Variants in CRPPA observed in about 807,000 individuals in gnomAD.
CRPPA encodes the protein D-ribitol-5-phosphate cytidylyltransferase.
A neutral mutation model predicts 52.0 loss-of-function variants in CRPPA; 43 were observed. The observed-to-expected ratio is 0.83, with a 90% confidence interval of 0.65 to 1.07. The LOEUF is 1.07. CRPPA is among the 50% of genes least tolerant of loss of function. CRPPA has a pLI of 0.00. For missense variants in CRPPA, 629 were observed against 551.7 expected (o/e 1.14, Z -1.40); for synonymous variants, 250 against 203.5 (o/e 1.23, Z -1.94).
rs1787803622 is a variant in CRPPA at position 16,401,010 on chromosome 7, GGTCCAGA to G, written c.534+5044_534+5050del. Among the ~76,000 whole-genome samples, 5 of 152,172 alleles carry G rather than the reference GGTCCAGA, an allele frequency of 3.3e-5. No homozygotes were observed. In the South Asian group the frequency reaches 1.0e-3, roughly 32 times the overall value. ...TAACCAGGTAGCTCTCCTGGACCAGGGTCCAGAGTTTGAGGTTTCATGATAGAGGCAT... is the reference window on the plus strand; with the variant it reads ...TAACCAGGTAGCTCTCCTGGACCAGGGTTTGAGGTTTCATGATAGAGGCAT... On this transcript the variant is annotated intron_variant, in intron 2 of 9. Transcript: ENST00000407010.
chr7:16,315,134 C>T (rs546653143), intron 3 of CRPPA, among the ~76,000 whole-genome samples: 3 of 152,116 alleles, frequency 2.0e-5, no homozygotes, highest in African/African-American at 7.2e-5. Context: ...AGTCTTTCCT[C>T]ATTCATGTCT....
intron 9 of CRPPA, among the ~76,000 whole-genome samples, chr7:16,148,122 G>A (rs1040020047): frequency 1.3e-5 from 2 of 151,962 alleles, no homozygotes; most frequent in Admixed American, 6.6e-5. Flanking sequence ...TATATAGGAT[G>A]TTAAAAATTG....
intron 8 of CRPPA, among the ~76,000 whole-genome samples, chr7:16,247,373 G>T: frequency 6.6e-6 from 1 of 152,122 alleles, no homozygotes; most frequent in East Asian, 1.9e-4. Flanking sequence ...CCTGATTTCA[G>T]TATTGTTTTG....
At chr7:16,242,317 C>T (rs1212333958) in intron 8 of CRPPA, among the ~76,000 whole-genome samples, 4 of 152,026 alleles carry the variant, frequency 2.6e-5, no homozygotes, top group African/African-American at 9.7e-5. Context: ...TTTAGTACTG[C>T]AACACATTTA....
At chr7:16,345,542 G>A (rs1785991660) in intron 3 of CRPPA, among the ~76,000 whole-genome samples, 2 of 152,170 alleles carry the variant, frequency 1.3e-5, no homozygotes, top group South Asian at 2.1e-4. Flanking sequence ...ATATTAAAAG[G>A]TAAACAGTGT....
At chr7:16,113,104 T>C (rs1782299827) in intron 9 of CRPPA, among the ~76,000 whole-genome samples, 1 of 150,828 alleles carries the variant, frequency 6.6e-6, no homozygotes, top group Non-Finnish European at 1.5e-5. Flanking sequence ...TCAATGAGAG[T>C]CTTGAAACAT....
intron 9 of CRPPA, among the ~76,000 whole-genome samples, chr7:16,144,672 G>A (rs1174922377): frequency 1.3e-5 from 2 of 152,122 alleles, no homozygotes; most frequent in East Asian, 1.9e-4. Flanking sequence ...GGGAGTCAAT[G>A]ATATTTATTC....
At chr7:16,181,159 T>G (rs1781405700) in intron 9 of CRPPA, among the ~76,000 whole-genome samples, 1 of 151,988 alleles carries the variant, frequency 6.6e-6, no homozygotes, top group Non-Finnish European at 1.5e-5. Context: ...ATTGAAAATT[T>G]TGAAAACACA....
intron 9 of CRPPA, among the ~76,000 whole-genome samples, chr7:16,190,413 C>T (rs1469935482): frequency 6.6e-6 from 1 of 152,136 alleles, no homozygotes; most frequent in Non-Finnish European, 1.5e-5. Context: ...AATTAGGTCA[C>T]CGTGTTACAA....
intron 9 of CRPPA, among the ~76,000 whole-genome samples, chr7:16,204,693 T>C (rs149612706): frequency 1.3e-5 from 2 of 152,186 alleles, no homozygotes; most frequent in Non-Finnish European, 1.5e-5. Flanking sequence ...AGTCAAACTT[T>C]GGAATTTTGA....
chr7:16,392,221 T>C (rs939295822), intron 2 of CRPPA, among the ~76,000 whole-genome samples: 21 of 152,120 alleles, frequency 1.4e-4, no homozygotes, highest in African/African-American at 5.1e-4. Context: ...AATCCAACAA[T>C]TCACTCTAAG....
chr7:16,342,704 G>A (rs1785880306), intron 3 of CRPPA, among the ~76,000 whole-genome samples: 1 of 144,762 alleles, frequency 6.9e-6, no homozygotes, highest in African/African-American at 2.6e-5. Flanking sequence ...CACCTCAAGA[G>A]GTGATCTGAG....
At chr7:16,110,674 G>A (rs1254761121) in intron 9 of CRPPA, among the ~76,000 whole-genome samples, 1 of 152,036 alleles carries the variant, frequency 6.6e-6, no homozygotes, top group South Asian at 2.1e-4. Flanking sequence ...TGACAAAGGT[G>A]CCAAGAACAC....
At chr7:16,377,572 TA>T (rs1183110751) in intron 2 of CRPPA, among the ~76,000 whole-genome samples, 6 of 152,170 alleles carry the variant, frequency 3.9e-5, no homozygotes, top group African/African-American at 1.4e-4. Flanking sequence ...TAAGAACCAT[TA>T]AAAGCCTCTG....
intron 9 of CRPPA, among the ~76,000 whole-genome samples, chr7:16,160,215 G>A (rs746098425): frequency 6.6e-6 from 1 of 152,038 alleles, no homozygotes; most frequent in African/African-American, 2.4e-5. Flanking sequence ...CATTGCTTTT[G>A]GTGTTTTAGT....
At position 16,143,603 on chromosome 7, in the gene CRPPA, A is replaced by T. The variant is rs555386262; in HGVS notation, c.1252-51804T>A. On this transcript the variant is annotated intron_variant, in intron 9 of 9. Coordinates refer to ENST00000407010, the MANE Select transcript of CRPPA (RefSeq NM_001101426.4). ...TATTAATAAAGTCTATTGCTCTCTGACAGGGGAATGATGGAGATATTGGTT... is the reference window on the plus strand; with the variant it reads ...TATTAATAAAGTCTATTGCTCTCTGTCAGGGGAATGATGGAGATATTGGTT... Among the ~76,000 whole-genome samples, 16 of 152,348 alleles carry T rather than the reference A, an allele frequency of 1.1e-4. No individual in the cohort carries two copies. The East Asian group carries it at 1.4e-3, about 13-fold the overall frequency.
chr7:16,339,150 T>C (rs1785760860), intron 3 of CRPPA, among the ~76,000 whole-genome samples: 1 of 152,064 alleles, frequency 6.6e-6, no homozygotes, highest in East Asian at 1.9e-4. Flanking sequence ...CTCTACAATC[T>C]CTTTCAGACT....
At chr7:16,349,387 G>A (rs895696811) in intron 3 of CRPPA, among the ~76,000 whole-genome samples, 1 of 152,148 alleles carries the variant, frequency 6.6e-6, no homozygotes, top group Non-Finnish European at 1.5e-5. Flanking sequence ...GAAAACAACA[G>A]TGTCAAAGAA....
At chr7:16,218,310 A>C (rs1782389893) in intron 8 of CRPPA, among the ~76,000 whole-genome samples, 1 of 125,802 alleles carries the variant, frequency 7.9e-6, no homozygotes, top group Non-Finnish European at 1.7e-5. Flanking sequence ...ATGGAAAGGA[A>C]CAACCGGTAC....
Sources: gnomAD v4.1 joint callset for allele counts (sites outside exome capture counted in the v4.1 genomes callset) on GRCh38, gnomAD v4.1.1 for gene constraint, MANE v1.5 for transcripts, NCBI Gene and HGNC (gene_info 2026-07-23, HGNC 2026-07-21) for gene names.